ZNF83: variants seen among roughly 807,000 people sequenced by gnomAD.
ZNF83 encodes zinc finger protein 83.
For missense variants in ZNF83, 552 were observed against 629.9 expected, an observed-to-expected ratio of 0.88 and a Z score of 1.32; for synonymous variants, 209 against 213.0, an observed-to-expected ratio of 0.98 and a Z score of 0.17.
chr19:52,655,926 TA>T (rs2061498201), intron 2 of ZNF83, among the ~76,000 whole-genome samples: 1 of 152,046 alleles, frequency 6.6e-6, no homozygotes, highest in African/African-American at 2.4e-5. Context: ...ACAAAAAATA[TA>T]TGTCTGGGCA....
At chr19:52,669,382 G>A (rs1210520691) in intron 1 of ZNF83, among the ~76,000 whole-genome samples, 2 of 152,186 alleles carry the variant, frequency 1.3e-5, no homozygotes, top group African/African-American at 4.8e-5. Context: ...TTAATAAAAT[G>A]TAAACTGGAT....
At chr19:52,667,669 G>T (rs756516327) in intron 1 of ZNF83, among the ~76,000 whole-genome samples, 15 of 152,136 alleles carry the variant, frequency 9.9e-5, no homozygotes, top group Non-Finnish European at 2.1e-4. Flanking sequence ...AGTTAAAGGG[G>T]TAATATCCAG....
intron 1 of ZNF83, among the ~76,000 whole-genome samples, chr19:52,687,782 G>A (rs918607457): frequency 6.8e-6 from 1 of 147,306 alleles, no homozygotes; most frequent in East Asian, 2.0e-4. Context: ...AGGAGATCAC[G>A]CCACTGCACT....
At chr19:52,667,224 GAAAAAAAAA>G (rs34235519) in intron 1 of ZNF83, among the ~76,000 whole-genome samples, 52 of 86,226 alleles carry the variant, frequency 6.0e-4, no homozygotes, top group African/African-American at 1.7e-3. Context: ...TATCATCTTT[GAAAAAAAAA>G]AAAAAAAAAA....
At position 52,613,223 on chromosome 19, in the gene ZNF83, G is replaced by A. The variant is rs61747449; in HGVS notation, c.1342C>T (p.Arg448Trp). ...GGTTTCTCTCCAGTGTGAATTTTCC[G>A]ATGATGTGCTAGGGATGAGTTTAGA... is the stretch of plus-strand genomic sequence containing the variant. Residue 448 changes from arginine to tryptophan, a missense_variant, in exon 3 of 3, where the codon CGG becomes TGG. Transcript: ENST00000301096. 2.1e-3 allele frequency: 3,324 copies of A among 1,613,368 alleles called. 99 individuals carry two copies. In the Admixed American group the frequency reaches 0.049, roughly 24 times the overall value.
rs915988416 is a variant in ZNF83, at chr19:52,653,352, A to C, written c.-74+2209T>G. On this transcript the variant is annotated intron_variant, in intron 3 of 5. Transcript: ENST00000594682. Reference sequence around the variant, plus strand: ...CAGTATGAACTCTCTGATGTTGTGCAAGGTATGAATCACGCTGGAAAACCT... The same window carrying C: ...CAGTATGAACTCTCTGATGTTGTGCCAGGTATGAATCACGCTGGAAAACCT... 7.4e-6 allele frequency: 9 copies of C among 1,208,366 alleles called. No homozygotes were observed. The African/African-American group carries it at 9.0e-5, about 12-fold the overall frequency. 74.9% of individuals were successfully genotyped at this position (1,208,366 alleles called of 1,614,324 possible).
At chr19:52,650,087 T>A (rs190059912) in intron 3 of ZNF83, among the ~76,000 whole-genome samples, 50 of 151,912 alleles carry the variant, frequency 3.3e-4, no homozygotes, top group African/African-American at 1.1e-3. Flanking sequence ...GTGTGGAAAA[T>A]TAGGTCATTT....
exon 3 of ZNF83, chr19:52,614,247 T>A: frequency 6.2e-7 from 1 of 1,614,180 alleles, no homozygotes; most frequent in Non-Finnish European, 8.5e-7. Flanking sequence ...TAGTAAAATG[T>A]AAGCCTTGAT....
chr19:52,643,114 G>A (rs1443537150), upstream of ZNF83, among the ~76,000 whole-genome samples: 5 of 152,242 alleles, frequency 3.3e-5, no homozygotes, highest in Admixed American at 1.3e-4. Flanking sequence ...GGTGGTGGAG[G>A]TTGTAGTGAG....
chr19:52,654,478 A>G, intron 3 of ZNF83: 1 of 590,920 alleles, frequency 1.7e-6, no homozygotes, highest in South Asian at 4.2e-5. Context: ...AAATGTGTTA[A>G]TATTACACAA....
chr19:52,682,947 T>C (rs2061946871), intron 1 of ZNF83, among the ~76,000 whole-genome samples: 1 of 152,164 alleles, frequency 6.6e-6, no homozygotes, highest in African/African-American at 2.4e-5. Context: ...CTCGGATTAC[T>C]GCAACCTCCA....
intron 1 of ZNF83, among the ~76,000 whole-genome samples, chr19:52,679,597 G>A (rs1336589690): frequency 3.3e-5 from 5 of 152,092 alleles, no homozygotes; most frequent in Non-Finnish European, 7.4e-5. Context: ...GGTGACAGAG[G>A]GAGACTGTAT....
At chr19:52,684,642 G>C (rs1230087536) in intron 1 of ZNF83, among the ~76,000 whole-genome samples, 5 of 152,122 alleles carry the variant, frequency 3.3e-5, no homozygotes, top group African/African-American at 4.8e-5. Flanking sequence ...GAGACTGGTG[G>C]GCAGAGGGAA....
In ZNF83 at chr19:52,683,515, G is replaced by A. The variant is rs775168224; in HGVS notation, c.-283+6928C>T. On this transcript the variant is annotated intron_variant, in intron 1 of 5. Coordinates refer to the ZNF83 transcript ENST00000594682. ...GACCTTCTCCCCACCCTTCCTGAAG[G>A]GAATCCAAAGGGAAGGGCAAAGTCC... Among the ~76,000 whole-genome samples the A allele has an allele frequency of 1.9e-4, 5 of 26,892 alleles. 1 individual carries two copies. Among genetic ancestry groups the A allele is most frequent in the Non-Finnish European group, 3.8e-4 (5 of 13,076 alleles). The allele number at this position is 26,892 out of a possible 152,430, so 17.6% of individuals were successfully genotyped here.
intron 1 of ZNF83, among the ~76,000 whole-genome samples, chr19:52,680,634 A>G (rs1160608672): frequency 1.2e-4 from 11 of 95,024 alleles, no homozygotes; most frequent in African/African-American, 1.5e-4. Context: ...TTTTTTTGAG[A>G]CGGAGTCTCG....
intron 2 of ZNF83, among the ~76,000 whole-genome samples, chr19:52,627,689 T>C (rs542743141): frequency 6.6e-6 from 1 of 152,304 alleles, no homozygotes; most frequent in Admixed American, 6.5e-5. Context: ...CTGGGCTTAA[T>C]GTCAAGGTGA....
intron 1 of ZNF83, among the ~76,000 whole-genome samples, chr19:52,690,207 A>G (rs2062130826): frequency 6.6e-6 from 1 of 150,908 alleles, no homozygotes. Flanking sequence ...AACAACAACA[A>G]CTACGCGATA....
At chr19:52,680,650 T>C (rs1409885383) in intron 1 of ZNF83, among the ~76,000 whole-genome samples, 6 of 132,016 alleles carry the variant, frequency 4.5e-5, no homozygotes, top group African/African-American at 1.6e-4. Context: ...TCTCGCTCTG[T>C]CGCCCAGGCT....
chr19:52,630,700 G>A lies in ZNF83; in HGVS notation c.-234+4366C>T, dbSNP rs540786549. Among the ~76,000 whole-genome samples the A allele has an allele frequency of 4.8e-4, 73 of 151,868 alleles. 1 individual carries two copies. In the South Asian group the frequency reaches 0.012, roughly 24 times the overall value. ...CATCTCCACTCCTTCCCTGGCAACT[G>A]CTCACATGCCCGTTACCATCCCATT... On this transcript the variant is annotated intron_variant, in intron 2 of 2. Transcript: ENST00000301096.
Sources: allele counts gnomAD v4.1 joint callset (sites outside exome capture counted in the v4.1 genomes callset), GRCh38; gene constraint gnomAD v4.1.1; transcripts MANE v1.5; gene names NCBI Gene and HGNC (gene_info 2026-07-23, HGNC 2026-07-21).